KRTAP4-3: variants seen among roughly 807,000 people sequenced by gnomAD.
KRTAP4-3 encodes keratin-associated protein 4-3.
KRTAP4-3 carries 2 observed loss-of-function variants against 0.2 expected under a neutral mutation model. The ratio of observed to expected loss-of-function variants is 8.29; its 90% CI spans 3.39 to 26.09. The LOEUF (loss-of-function observed/expected upper bound fraction) is 26.09. Among genes scored for constraint, KRTAP4-3 ranks in the 30% most tolerant of loss-of-function variants. KRTAP4-3 has a pLI of 0.03. For synonymous variants in KRTAP4-3, 65 were observed against 83.6 expected (o/e 0.78, Z 1.21); for missense variants, 186 against 247.4 (o/e 0.75, Z 1.67).
At position 41,167,872 on chromosome 17, in the gene KRTAP4-3, G is replaced by A. The variant is rs752492912; in HGVS notation, c.301C>T (p.Arg101Cys). ...KPSCCRTTCC[R>C]PSCCISSCCR... ...CAACTAGAAATGCAGCAGCTGGGGC[G>A]GCAGCAGGTGGTCCTGCAGCAGCTG... Residue 101 changes from arginine to cysteine, a missense_variant, in exon 1 of 1, where the codon CGC (arginine) becomes TGC (cysteine). Coordinates refer to ENST00000391356, the MANE Select transcript of KRTAP4-3 (RefSeq NM_033187.2). The A allele has an allele frequency of 3.8e-6, 6 of 1,596,906 alleles. No homozygotes were observed. The highest frequency in any genetic ancestry group is 5.1e-6 in the Non-Finnish European group (6 of 1,172,628).
chr17:41,168,027 C>A lies in KRTAP4-3; in HGVS notation c.146G>T (p.Cys49Phe), dbSNP rs990029435. Reference sequence around the variant, plus strand: ...GGAGATACAGCAGGAAGGCCTGCAGCAACTGGAAATGCAGCAGCTGGGGCG... The same window carrying A: ...GGAGATACAGCAGGAAGGCCTGCAGAAACTGGAAATGCAGCAGCTGGGGCG... ...CCRPSCCISS[C>F]CRPSCCISSC... The change falls in exon 1 of 1, where the codon TGC becomes TTC. Residue 49 changes from cysteine (C) to phenylalanine (F), a missense_variant. By Grantham distance (205) the Cys-to-Phe change is radical (BLOSUM62 -2). This residue lies in a region of KRTAP4-3 where 8 missense variants were observed against 65.2 expected (regional missense o/e 0.12). Transcript: ENST00000391356. The A allele has an allele frequency of 1.9e-6, 3 of 1,610,888 alleles. No individual in the cohort carries two copies. In the African/African-American group the frequency reaches 4.0e-5, roughly 22 times the overall value.
rs2015060561 is a variant in KRTAP4-3, at chr17:41,167,682, C to A, written c.491G>T (p.Cys164Phe). 1 of 1,614,068 alleles carries A rather than the reference C, an allele frequency of 6.2e-7. No homozygotes were observed. The change falls in exon 1 of 1, where the codon TGC becomes TTC. Residue 164 changes from cysteine (C) to phenylalanine (F), a missense_variant. By Grantham distance (205) the Cys-to-Phe change is radical (BLOSUM62 -2). Coordinates refer to ENST00000391356, the MANE Select transcript of KRTAP4-3 (RefSeq NM_033187.2). ...CCISSCCHPS[C>F]CVSSCRCPFS... ...AGGGCAGCGGCAGCTGGACACACAG[C>A]AGCTGGGATGACAGCAACTAGAAAT...
At position 41,167,862 on chromosome 17, in the gene KRTAP4-3, C is replaced by A; in HGVS notation, c.311G>T (p.Cys104Phe). ...CCRTTCCRPS[C>F]CISSCCRPSC... Reference sequence around the variant, plus strand: ...AGGCCTGCAGCAACTAGAAATGCAGCAGCTGGGGCGGCAGCAGGTGGTCCT... The same window carrying A: ...AGGCCTGCAGCAACTAGAAATGCAGAAGCTGGGGCGGCAGCAGGTGGTCCT... The change falls in exon 1 of 1, where the codon TGC becomes TTC. Residue 104 changes from cysteine to phenylalanine, a missense_variant. Cys to Phe is a radical substitution (Grantham distance 205). This residue lies in a region of KRTAP4-3 where 139 missense variants were observed against 128.3 expected (regional missense o/e 1.08). Coordinates refer to ENST00000391356, the MANE Select transcript of KRTAP4-3 (RefSeq NM_033187.2). The A allele has an allele frequency of 6.2e-7, 1 of 1,606,216 alleles. No individual in the cohort carries two copies. The highest frequency in any genetic ancestry group is 8.5e-7 in the Non-Finnish European group (1 of 1,176,664).
In KRTAP4-3 at chr17:41,167,437, GAGAATAC is replaced by G. The variant is rs952504728; in HGVS notation, c.*141_*147del. 5 of 604,556 alleles carry G rather than the reference GAGAATAC, an allele frequency of 8.3e-6. No homozygotes were observed. In the African/African-American group the frequency reaches 9.2e-5, roughly 11 times the overall value. The allele number at this position is 604,556 out of a possible 1,614,324, so 37.4% of individuals were successfully genotyped here. A position where few individuals can be genotyped will look rare whatever the true frequency, so the allele number is the denominator to read the frequency against. ...AATAGGAATAAAAACTTCTATAAAAGAGAATACATACTAATAAAATATTTTCCAAATC... is the reference window on the plus strand; with the variant it reads ...AATAGGAATAAAAACTTCTATAAAAGATACTAATAAAATATTTTCCAAATC... On this transcript the variant is annotated 3_prime_UTR_variant, in exon 1 of 1. Transcript: ENST00000391356.
Position 41,168,173 on chromosome 17 carries a change from G to C in KRTAP4-3, c.-1C>G. ...CAGAGCCACAGCAGGAGCTGACCATGGCGTCAGAGGGTGGAGGTTCTGGGT... is the reference window on the plus strand; with the variant it reads ...CAGAGCCACAGCAGGAGCTGACCATCGCGTCAGAGGGTGGAGGTTCTGGGT... On this transcript the variant is annotated 5_prime_UTR_variant, in exon 1 of 1. Coordinates refer to ENST00000391356, the MANE Select transcript of KRTAP4-3 (RefSeq NM_033187.2). 1.3e-6 allele frequency: 2 copies of C among 1,597,728 alleles called. No individual in the cohort carries two copies. Among genetic ancestry groups the C allele is most frequent in the Non-Finnish European group, 1.7e-6 (2 of 1,169,836 alleles).
Position 41,168,115 on chromosome 17 carries a change from C to T in KRTAP4-3, c.58G>A (p.Gly20Ser), listed in dbSNP as rs751921358. The T allele has an allele frequency of 1.1e-5, 17 of 1,575,496 alleles. No homozygotes were observed. Among genetic ancestry groups the T allele is most frequent in the East Asian group, 7.0e-5 (3 of 43,122 alleles). ...CTGGGGCGGCAGCAGCTCTCCTGGC[C>T]GAGACCTTGACCACAGCTCTGGTCA... Reference protein sequence around the residue: ...CSDQSCGQGLGQESCCRPSCC... With the variant: ...CSDQSCGQGLSQESCCRPSCC... The change falls in exon 1 of 1, where the codon GGC (glycine) becomes AGC (serine). Residue 20 changes from glycine to serine, a missense_variant. Physicochemically the swap from Gly to Ser is moderately conservative, Grantham distance 56 (BLOSUM62 0). Around this residue, in one of 3 missense-constraint regions of KRTAP4-3, gnomAD observed 39 missense variants for 54.0 expected, o/e 0.72. Transcript: ENST00000391356.
In KRTAP4-3 at chr17:41,168,174, G is replaced by A; in HGVS notation, c.-2C>T. 6.3e-7 allele frequency: 1 copy of A among 1,597,454 alleles called. No homozygotes were observed. Among genetic ancestry groups the A allele is most frequent in the South Asian group, 1.1e-5 (1 of 88,640 alleles). ...AGAGCCACAGCAGGAGCTGACCATG[G>A]CGTCAGAGGGTGGAGGTTCTGGGTG... On this transcript the variant is annotated 5_prime_UTR_variant, in exon 1 of 1. Transcript: ENST00000391356.
Position 41,167,820 on chromosome 17 carries a change from C to T in KRTAP4-3, c.353G>A (p.Ser118Asn). 6.2e-7 allele frequency: 1 copy of T among 1,601,942 alleles called. No homozygotes were observed. Among genetic ancestry groups the T allele is most frequent in the Non-Finnish European group, 8.5e-7 (1 of 1,176,136 alleles). The change falls in exon 1 of 1, where the codon AGC becomes AAC. Residue 118 changes from serine (S) to asparagine (N), a missense_variant. Physicochemically the swap from Ser to Asn is conservative, Grantham distance 46. Around this residue, in one of 3 missense-constraint regions of KRTAP4-3, gnomAD observed 139 missense variants for 128.3 expected, o/e 1.08. Transcript: ENST00000391356. Reference protein sequence around the residue: ...SCCRPSCCISSCCKPSCCQTT... With the variant: ...SCCRPSCCISNCCKPSCCQTT... ...CTGGCAGCAGCTGGGTTTGCAACAG[C>T]TAGAGATACAGCAGGAAGGCCTGCA...
Position 41,167,615 on chromosome 17 carries a change from G to A in KRTAP4-3, c.558C>T (p.His186=), listed in dbSNP as rs750063517. 2.5e-6 allele frequency: 4 copies of A among 1,610,742 alleles called. No individual in the cohort carries two copies. Among genetic ancestry groups the A allele is most frequent in the East Asian group, 2.2e-5 (1 of 44,834 alleles). Residue 186 remains histidine, a synonymous_variant, in exon 1 of 1, where the codon CAC becomes CAT. Transcript: ENST00000391356. ...PTTCCRTTCF[H]PICCGSSCC is the part of the protein sequence containing the mutation. ...AGCAAGAACTGCCGCAGCAGATGGG[G>A]TGGAAGCAGGTTGTTCTACAGCAGG...
At position 41,168,113 on chromosome 17, in the gene KRTAP4-3, GCCGAGA is replaced by G; in HGVS notation, c.54_59del (p.Leu19_Gly20del). 2.5e-6 allele frequency: 4 copies of G among 1,571,756 alleles called. No individual in the cohort carries two copies. In the South Asian group the frequency reaches 3.4e-5, roughly 13 times the overall value. ...AGCTGGGGCGGCAGCAGCTCTCCTG[GCCGAGA>G]CCTTGACCACAGCTCTGGTCAGAGC... On this transcript the variant is annotated inframe_deletion, in exon 1 of 1. Coordinates refer to ENST00000391356, the MANE Select transcript of KRTAP4-3 (RefSeq NM_033187.2).
At position 41,167,789 on chromosome 17, in the gene KRTAP4-3, G is replaced by A. The variant is rs1054387870; in HGVS notation, c.384C>T (p.Thr128=). 57 of 1,606,468 alleles carry A rather than the reference G, an allele frequency of 3.5e-5. No individual in the cohort carries two copies. The highest frequency in any genetic ancestry group is 4.8e-5 in the Non-Finnish European group (56 of 1,177,550). Residue 128 remains threonine (T), a synonymous_variant, in exon 1 of 1, where the codon ACC becomes ACT. Coordinates refer to ENST00000391356, the MANE Select transcript of KRTAP4-3 (RefSeq NM_033187.2). ...AGATACAGCAGCTGGGGCGGCAGCA[G>A]GTGGTCTGGCAGCAGCTGGGTTTGC... ...SCCKPSCCQT[T]CCRPSCCISS...
At position 41,167,566 on chromosome 17, in the gene KRTAP4-3, A is replaced by T. The variant is rs771331868; in HGVS notation, c.*19T>A. The T allele has an allele frequency of 6.4e-7, 1 of 1,573,382 alleles. No homozygotes were observed. Among genetic ancestry groups the T allele is most frequent in the Admixed American group, 1.7e-5 (1 of 58,118 alleles). ...GAAGGTTGAGAGCAAGAAGGTGCACAAATCCAGAGCAGCTTCACTCAGCAG... is the reference window on the plus strand; with the variant it reads ...GAAGGTTGAGAGCAAGAAGGTGCACTAATCCAGAGCAGCTTCACTCAGCAG... On this transcript the variant is annotated 3_prime_UTR_variant, in exon 1 of 1. Transcript: ENST00000391356.
chr17:41,167,478 C>T lies in KRTAP4-3; in HGVS notation c.*107G>A. The T allele has an allele frequency of 1.2e-6, 1 of 852,274 alleles. No individual in the cohort carries two copies. Among genetic ancestry groups the T allele is most frequent in the Admixed American group, 2.8e-5 (1 of 36,224 alleles). The allele number at this position is 852,274 out of a possible 1,614,324, so 52.8% of individuals were successfully genotyped here. The stretch of plus-strand genomic sequence containing the variant: ...AAAATATTTTCCAAATCAGTCCATG[C>T]CTCTGTTTTCACGACATCAGGAAGT... On this transcript the variant is annotated 3_prime_UTR_variant, in exon 1 of 1. Transcript: ENST00000391356.
At position 41,167,630 on chromosome 17, in the gene KRTAP4-3, T is replaced by TC; in HGVS notation, c.542dup (p.Thr182AsnfsTer48). 1 of 1,613,192 alleles carries TC rather than the reference T, an allele frequency of 6.2e-7. No individual in the cohort carries two copies. Among genetic ancestry groups the TC allele is most frequent in the Non-Finnish European group, 8.5e-7 (1 of 1,179,264 alleles). On this transcript the variant is annotated frameshift_variant, in exon 1 of 1. Transcript: ENST00000391356. LOFTEE classifies it low-confidence loss of function (END_TRUNC). ...AGCAGATGGGGTGGAAGCAGGTTGT[T>TC]CTACAGCAGGTGGTCGGGCAGCTGA...
rs773675586 is a variant in KRTAP4-3, at chr17:41,167,848, A to T, written c.325T>A (p.Cys109Ser). 1 of 1,599,564 alleles carries T rather than the reference A, an allele frequency of 6.3e-7. No homozygotes were observed. Among genetic ancestry groups the T allele is most frequent in the Non-Finnish European group, 8.5e-7 (1 of 1,175,284 alleles). ...GAGATACAGCAGGAAGGCCTGCAGC[A>T]ACTAGAAATGCAGCAGCTGGGGCGG... is the stretch of plus-strand genomic sequence containing the variant. ...CCRPSCCISSCCRPSCCISSC... is the reference protein window; with the variant it reads ...CCRPSCCISSSCRPSCCISSC... Residue 109 changes from cysteine (C) to serine (S), a missense_variant, in exon 1 of 1, where the codon TGC (cysteine) becomes AGC (serine). Cys to Ser is a moderately radical substitution (Grantham distance 112). Around this residue, in one of 3 missense-constraint regions of KRTAP4-3, gnomAD observed 139 missense variants for 128.3 expected, o/e 1.08. Coordinates refer to ENST00000391356, the MANE Select transcript of KRTAP4-3 (RefSeq NM_033187.2).
In KRTAP4-3 at chr17:41,168,003, G is replaced by A. The variant is rs1323579682; in HGVS notation, c.170C>T (p.Ser57Phe). 1 of 681,916 alleles carries A rather than the reference G, an allele frequency of 1.5e-6. No homozygotes were observed. Among genetic ancestry groups the A allele is most frequent in the Non-Finnish European group, 2.5e-6 (1 of 394,960 alleles). 42.2% of individuals were successfully genotyped at this position (681,916 alleles called of 1,614,324 possible). ...SSCCRPSCCISSCCKPSCCRT... is the reference protein window; with the variant it reads ...SSCCRPSCCIFSCCKPSCCRT... Reference sequence around the variant, plus strand: ...GCAGCAGCTGGGTTTGCAGCAGCTGGAGATACAGCAGGAAGGCCTGCAGCA... The same window carrying A: ...GCAGCAGCTGGGTTTGCAGCAGCTGAAGATACAGCAGGAAGGCCTGCAGCA... Residue 57 changes from serine (S) to phenylalanine (F), a missense_variant, in exon 1 of 1, where the codon TCC (serine) becomes TTC (phenylalanine). Coordinates refer to ENST00000391356, the MANE Select transcript of KRTAP4-3 (RefSeq NM_033187.2).
chr17:41,167,544 G>A lies in KRTAP4-3; in HGVS notation c.*41C>T. ...ATAGATACTCTGTGCCTGAACTGAA[G>A]GTTGAGAGCAAGAAGGTGCACAAAT... is the stretch of plus-strand genomic sequence containing the variant. On this transcript the variant is annotated 3_prime_UTR_variant, in exon 1 of 1. Coordinates refer to ENST00000391356, the MANE Select transcript of KRTAP4-3 (RefSeq NM_033187.2). The A allele has an allele frequency of 6.7e-7, 1 of 1,486,116 alleles. No individual in the cohort carries two copies. The highest frequency in any genetic ancestry group is 9.2e-7 in the Non-Finnish European group (1 of 1,082,952). 92.1% of individuals were successfully genotyped at this position (1,486,116 alleles called of 1,614,324 possible).
rs1482134740 is a variant in KRTAP4-3, at chr17:41,167,552, G to A, written c.*33C>T. 1 of 1,524,386 alleles carries A rather than the reference G, an allele frequency of 6.6e-7. No individual in the cohort carries two copies. Among genetic ancestry groups the A allele is most frequent in the East Asian group, 2.3e-5 (1 of 44,288 alleles). The allele number at this position is 1,524,386 out of a possible 1,614,324, so 94.4% of individuals were successfully genotyped here. A position where few individuals can be genotyped will look rare whatever the true frequency, so the allele number is the denominator to read the frequency against. On this transcript the variant is annotated 3_prime_UTR_variant, in exon 1 of 1. Coordinates refer to ENST00000391356, the MANE Select transcript of KRTAP4-3 (RefSeq NM_033187.2). ...TCTGTGCCTGAACTGAAGGTTGAGA[G>A]CAAGAAGGTGCACAAATCCAGAGCA...
chr17:41,167,634 C>T lies in KRTAP4-3; in HGVS notation c.539G>A (p.Cys180Tyr), dbSNP rs376671654. Residue 180 changes from cysteine (C) to tyrosine (Y), a missense_variant, in exon 1 of 1, where the codon TGT becomes TAT. Around this residue, in one of 3 missense-constraint regions of KRTAP4-3, gnomAD observed 139 missense variants for 128.3 expected, o/e 1.08. Transcript: ENST00000391356. Reference protein sequence around the residue: ...RCPFSCPTTCCRTTCFHPICC... With the variant: ...RCPFSCPTTCYRTTCFHPICC... The stretch of plus-strand genomic sequence containing the variant: ...GATGGGGTGGAAGCAGGTTGTTCTA[C>T]AGCAGGTGGTCGGGCAGCTGAAAGG... The T allele has an allele frequency of 1.2e-6, 2 of 1,613,186 alleles. No homozygotes were observed. The highest frequency in any genetic ancestry group is 2.7e-5 in the African/African-American group (2 of 74,948).
Sources: gnomAD v4.1 joint callset for allele counts on GRCh38, gnomAD v4.1.1 for gene constraint, gnomAD v4.1.1 regional missense constraint, MANE v1.5 for transcripts, NCBI Gene and HGNC (gene_info 2026-07-23, HGNC 2026-07-21) for gene names.